Variants in WFDC6 observed in about 807,000 individuals in gnomAD.
WFDC6 encodes WAP four-disulfide core domain 6.
In WFDC6, 10 loss-of-function variants were observed where a neutral mutation model predicts 8.2. That is an observed-to-expected ratio of 1.22 (90% confidence interval 0.75 to 2.07). The LOEUF is 2.07. Among genes scored for constraint, WFDC6 ranks in the 30% most tolerant of loss-of-function variants. The probability of loss-of-function intolerance (pLI) is 0.00; values close to 1 mark genes in which losing one functional copy is unlikely to be tolerated. For synonymous variants in WFDC6, 28 were observed against 37.0 expected (o/e 0.76, Z 0.88); for missense variants, 105 against 104.9 (o/e 1.00, Z 0.00).
At chr20:45,537,445 C>T in intron 2 of WFDC6, 1 of 1,268,542 alleles carries the variant, frequency 7.9e-7, no homozygotes, top group Non-Finnish European at 1.1e-6. Flanking sequence ...AACGAATGGT[C>T]CTTGATGATC....
rs374760516 is a variant in WFDC6 at position 45,538,066 on chromosome 20, G to A, written c.120C>T (p.Cys40=). ...GKPCPKIKVE[C]EVEEIDQCTK... is the part of the protein sequence containing the mutation. ...TACACTGGTCTATTTCTTCCACTTCGCATTCCACTTTGATTTTGGGACACG... is the reference window on the plus strand; with the variant it reads ...TACACTGGTCTATTTCTTCCACTTCACATTCCACTTTGATTTTGGGACACG... Residue 40 remains cysteine (C), a synonymous_variant, in exon 2 of 3, where the codon TGC becomes TGT. Transcript: ENST00000372670. 1.2e-5 allele frequency: 20 copies of A among 1,613,706 alleles called. No individual in the cohort carries two copies. The highest frequency in any genetic ancestry group is 1.1e-4 in the African/African-American group (8 of 74,832).
chr20:45,536,878 T>A (rs1017324048), intron 2 of WFDC6: 3 of 152,578 alleles, frequency 2.0e-5, no homozygotes, highest in African/African-American at 7.2e-5. Context: ...GAAATCTGTG[T>A]ATGCCTTATT....
At chr20:45,535,301 G>T (rs1979323325) in intron 2 of WFDC6, 1 of 1,303,884 alleles carries the variant, frequency 7.7e-7, no homozygotes, top group Admixed American at 2.3e-5. Context: ...CCAGGCAGGG[G>T]CCAGCCTCCT....
chr20:45,538,154 C>G (rs185984084), intron 1 of WFDC6, 60 bp from the exon 2 acceptor site: 3 of 1,610,430 alleles, frequency 1.9e-6, no homozygotes, highest in South Asian at 2.2e-5. Context: ...TCCCCCTCCC[C>G]GAGACCAGGG....
intron 2 of WFDC6, chr20:45,537,525 T>A: frequency 1.3e-6 from 2 of 1,549,000 alleles, no homozygotes; most frequent in Non-Finnish European, 1.7e-6. Flanking sequence ...AGGGAAGGCA[T>A]CCTGGATTTA....
intron 2 of WFDC6, among the ~76,000 whole-genome samples, chr20:45,535,552 C>G (rs1309691982): frequency 6.6e-6 from 1 of 152,206 alleles, no homozygotes; most frequent in Admixed American, 6.5e-5. Flanking sequence ...ACCTGCTCGC[C>G]TAACAGGGCT....
intron 1 of WFDC6, among the ~76,000 whole-genome samples, chr20:45,538,350 G>A (rs190654530): frequency 3.3e-5 from 5 of 152,250 alleles, no homozygotes; most frequent in South Asian, 4.2e-4. Flanking sequence ...AGAGAAAGAC[G>A]CATTCCTCTA....
rs1185786304 is a variant in WFDC6, at chr20:45,535,710, G to A, written c.223-1205C>T. Among the ~76,000 whole-genome samples the A allele has an allele frequency of 2.6e-5, 4 of 152,058 alleles. No individual in the cohort carries two copies. In the East Asian group the frequency reaches 7.7e-4, roughly 29 times the overall value. On this transcript the variant is annotated intron_variant, in intron 2 of 2. Coordinates refer to ENST00000372670, the MANE Select transcript of WFDC6 (RefSeq NM_080827.2). ...CTTAATTCAAGCATAATTATCTTTT[G>A]CAAGGACTCCATGAAAGGCCACCAG...
At chr20:45,537,093 A>G (rs1979394084) in intron 2 of WFDC6, 1 of 166,912 alleles carries the variant, frequency 6.0e-6, no homozygotes, top group African/African-American at 2.4e-5. Context: ...TAGGGCATTT[A>G]TTTGACCCCA....
chr20:45,535,235 A>G lies in WFDC6; in HGVS notation c.223-730T>C, dbSNP rs576825843. 3.1e-6 allele frequency: 4 copies of G among 1,304,274 alleles called. No homozygotes were observed. In the African/African-American group the frequency reaches 6.1e-5, roughly 20 times the overall value. 80.8% of individuals were successfully genotyped at this position (1,304,274 alleles called of 1,614,324 possible). ...ATTGTTCCCCTGGCTACCGCCATAG[A>G]TGAATTCGGAGCAGATCTTAGTTTT... On this transcript the variant is annotated intron_variant, in intron 2 of 2. Transcript: ENST00000372670.
rs1223892673 is a variant in WFDC6 at position 45,538,032 on chromosome 20, T to A, written c.154A>T (p.Arg52Ter). 2 of 1,614,038 alleles carry A rather than the reference T, an allele frequency of 1.2e-6. No homozygotes were observed. Among genetic ancestry groups the A allele is most frequent in the South Asian group, 2.2e-5 (2 of 91,080 alleles). ...VEEIDQCTKP[R>*]DCPENMKCCP... is the part of the protein sequence containing the mutation. The stretch of plus-strand genomic sequence containing the variant: ...CACTTCATGTTTTCTGGGCAATCTC[T>A]GGGTTTGGTACACTGGTCTATTTCT... The change falls in exon 2 of 3, where the codon AGA becomes TGA. Residue 52 changes from arginine (R) to a stop codon, truncating the protein, a stop_gained. Coordinates refer to ENST00000372670, the MANE Select transcript of WFDC6 (RefSeq NM_080827.2). LOFTEE classifies it high-confidence loss of function.
At chr20:45,534,633 G>A (rs749484428) in intron 2 of WFDC6, 128 bp from the exon 3 acceptor site, 3 of 1,073,358 alleles carry the variant, frequency 2.8e-6, no homozygotes, top group East Asian at 4.9e-5. Flanking sequence ...GAATGAAGGT[G>A]AGTTTGGGGG....
intron 1 of WFDC6, among the ~76,000 whole-genome samples, chr20:45,539,106 G>A (rs1043092417): frequency 1.3e-5 from 2 of 152,126 alleles, no homozygotes; most frequent in East Asian, 3.8e-4. Context: ...TCTTTGGAAT[G>A]GCAGCAAGGA....
chr20:45,536,251 GAAA>G (rs11467724), intron 2 of WFDC6, among the ~76,000 whole-genome samples: 4,584 of 147,274 alleles, frequency 0.031, 160 homozygotes, highest in East Asian at 0.17. Flanking sequence ...AGTATTCACA[GAAA>G]AAAAAAAAAA....
At chr20:45,536,379 C>T (rs898385991) in intron 2 of WFDC6, among the ~76,000 whole-genome samples, 3 of 152,118 alleles carry the variant, frequency 2.0e-5, no homozygotes, top group Admixed American at 2.0e-4. Flanking sequence ...CACGACAAAA[C>T]AACAATTGTA....
Position 45,537,985 on chromosome 20 carries a change from C to A in WFDC6, c.201G>T (p.Lys67Asn), listed in dbSNP as rs774047772. 1.9e-6 allele frequency: 3 copies of A among 1,613,886 alleles called. No individual in the cohort carries two copies. Among genetic ancestry groups the A allele is most frequent in the Non-Finnish European group, 2.5e-6 (3 of 1,179,918 alleles). Residue 67 changes from lysine to asparagine, a missense_variant, in exon 2 of 3, where the codon AAG (lysine) becomes AAT (asparagine). By Grantham distance (94) the Lys-to-Asn change is moderately conservative (BLOSUM62 0). Coordinates refer to ENST00000372670, the MANE Select transcript of WFDC6 (RefSeq NM_080827.2). Reference protein sequence around the residue: ...NMKCCPFSRGKKCLDFRKVSL... With the variant: ...NMKCCPFSRGNKCLDFRKVSL... ...TTACCTTTCTGAAGTCTAAACATTT[C>A]TTTCCACGGCTGAACGGGCAACACT...
intron 1 of WFDC6, 73 bp from the exon 2 acceptor site, chr20:45,538,167 C>T: frequency 1.2e-6 from 2 of 1,607,742 alleles, no homozygotes; most frequent in Non-Finnish European, 1.7e-6. Context: ...GACCAGGGCA[C>T]CCCTCCAGAG....
chr20:45,538,090 C>T lies in WFDC6; in HGVS notation c.96G>A (p.Pro32=), dbSNP rs768457252. 32 of 1,613,804 alleles carry T rather than the reference C, an allele frequency of 2.0e-5. No individual in the cohort carries two copies. The highest frequency in any genetic ancestry group is 6.7e-5 in the Admixed American group (4 of 59,974). ...CGCATTCCACTTTGATTTTGGGACA[C>T]GGCTCTAAGGGAGGGGAAGATATAT... ...PGHAEGILGK[P]CPKIKVECEV... Residue 32 remains proline (P), a synonymous_variant, in exon 2 of 3, where the codon CCG becomes CCA. Transcript: ENST00000372670.
intron 1 of WFDC6, among the ~76,000 whole-genome samples, chr20:45,538,349 C>T (rs1046935360): frequency 4.6e-5 from 7 of 152,206 alleles, no homozygotes; most frequent in Non-Finnish European, 8.8e-5. Flanking sequence ...GAGAGAAAGA[C>T]GCATTCCTCT....
Sources: allele counts gnomAD v4.1 joint callset (sites outside exome capture counted in the v4.1 genomes callset), GRCh38; gene constraint gnomAD v4.1.1; transcripts MANE v1.5; gene names NCBI Gene and HGNC (gene_info 2026-07-23, HGNC 2026-07-21).